The following KNCN variants were observed in gnomAD, a reference collection of about 807,000 sequenced individuals.
KNCN encodes kinocilin.
In KNCN, 11 loss-of-function variants were observed where a neutral mutation model predicts 10.4. That is an observed-to-expected ratio of 1.06 (90% CI 0.67 to 1.75). KNCN has a LOEUF of 1.75. KNCN is among the 40% of genes most tolerant of loss of function. The probability of loss-of-function intolerance (pLI) is 0.00; values close to 1 mark genes in which losing one functional copy is unlikely to be tolerated. For synonymous variants in KNCN, 67 were observed against 71.6 expected, an observed-to-expected ratio of 0.94 and a Z score of 0.33; for missense variants, 172 against 167.1, an observed-to-expected ratio of 1.03 and a Z score of -0.16.
At position 46,547,806 on chromosome 1, in the gene KNCN, G is replaced by T. The variant is rs768924826; in HGVS notation, c.299C>A (p.Ala100Asp). The T allele has an allele frequency of 9.6e-6, 14 of 1,456,238 alleles. 1 individual carries two copies. The South Asian group carries it at 2.1e-4, about 21-fold the overall frequency. The allele number at this position is 1,456,238 out of a possible 1,614,324, so 90.2% of individuals were successfully genotyped here. Residue 100 changes from alanine to aspartate, a missense_variant, in exon 4 of 4, where the codon GCC becomes GAC. Transcript: ENST00000481882. ...RSSTNGNKEG[A>D]RSSLSTVSRT... is the part of the protein sequence containing the mutation. ...GCTCACGGTGGACAGGCTGCTGCGG[G>T]CTCCTGGGGGAGAGAACAGGGACGA...
intron 3 of KNCN, 142 bp downstream of exon 3, chr1:46,549,051 G>A: frequency 1.6e-6 from 1 of 612,002 alleles, no homozygotes; most frequent in Non-Finnish European, 2.8e-6. Flanking sequence ...TGAGGCAGGA[G>A]AATTGCTTGA....
At chr1:46,550,045 G>T in intron 1 of KNCN, 43 bp from the exon 2 acceptor site, 1 of 1,550,290 alleles carries the variant, frequency 6.5e-7, no homozygotes, top group East Asian at 2.4e-5. Context: ...GAGGAGCCTG[G>T]TGAGTGTTGA....
chr1:46,548,594 G>A (rs1666996013), intron 3 of KNCN, among the ~76,000 whole-genome samples: 1 of 152,152 alleles, frequency 6.6e-6, no homozygotes, highest in Non-Finnish European at 1.5e-5. Flanking sequence ...CTGAGGTATA[G>A]GACCTGGGGG....
In KNCN at chr1:46,547,812, G is replaced by C. The variant is rs779102921; in HGVS notation, c.296-3C>G. ...GGTGGACAGGCTGCTGCGGGCTCCT[G>C]GGGGAGAGAACAGGGACGAGGACTG... On this transcript the variant is annotated splice_polypyrimidine_tract_variant and splice_region_variant and intron_variant, in intron 3 of 3. Coordinates refer to ENST00000481882, the MANE Select transcript of KNCN (RefSeq NM_001322255.2). The C allele has an allele frequency of 1.6e-5, 23 of 1,455,136 alleles. No individual in the cohort carries two copies. Among genetic ancestry groups the C allele is most frequent in the Admixed American group, 2.8e-5 (1 of 35,382 alleles). 90.1% of individuals were successfully genotyped at this position (1,455,136 alleles called of 1,614,324 possible).
chr1:46,550,546 A>G lies in KNCN; in HGVS notation c.151+519T>C, dbSNP rs117031944. ...CTGGGCGGGGGCGGGGGGTGGGGTG[A>G]GGTGAGGTGAGGTGAGGGATGGCAT... On this transcript the variant is annotated intron_variant, in intron 1 of 3. Transcript: ENST00000481882. 0.022 allele frequency among the ~76,000 whole-genome samples: 3,192 copies of G among 142,536 alleles called. 230 individuals carry two copies. In the East Asian group the frequency reaches 0.27, roughly 12 times the overall value. The allele number at this position is 142,536 out of a possible 152,430, so 93.5% of individuals were successfully genotyped here.
At chr1:46,549,141 C>CAAAA (rs749743161) in intron 3 of KNCN, 52 bp downstream of exon 3, 4 of 798,012 alleles carry the variant, frequency 5.0e-6, no homozygotes, top group South Asian at 4.0e-5. Context: ...AACTCTGTCT[C>CAAAA]AAAAAAAAAA....
At position 46,547,595 on chromosome 1, in the gene KNCN, A is replaced by C. The variant is rs547022504; in HGVS notation, c.*135T>G. 2.7e-6 allele frequency: 2 copies of C among 749,944 alleles called. No individual in the cohort carries two copies. Among genetic ancestry groups the C allele is most frequent in the East Asian group, 5.3e-5 (2 of 37,420 alleles). 46.5% of individuals were successfully genotyped at this position (749,944 alleles called of 1,614,324 possible). On this transcript the variant is annotated 3_prime_UTR_variant, in exon 4 of 4. Transcript: ENST00000481882. The stretch of plus-strand genomic sequence containing the variant: ...GAGTGCAAAAGGCCCCATTCCAGAC[A>C]CTGTTCCCAGCCGCTCTGGGGTCTG...
At position 46,547,683 on chromosome 1, in the gene KNCN, C is replaced by T; in HGVS notation, c.*47G>A. 7.1e-7 allele frequency: 1 copy of T among 1,413,890 alleles called. No homozygotes were observed. Among genetic ancestry groups the T allele is most frequent in the African/African-American group, 1.4e-5 (1 of 70,522 alleles). The allele number at this position is 1,413,890 out of a possible 1,614,324, so 87.6% of individuals were successfully genotyped here. The stretch of plus-strand genomic sequence containing the variant: ...CAGGAGGGCACTGACATAGGGGCAG[C>T]AGGCAGGATGGGAGGGCAGGGCATG... On this transcript the variant is annotated 3_prime_UTR_variant, in exon 4 of 4. Transcript: ENST00000481882.
chr1:46,550,862 C>T (rs891267643), intron 1 of KNCN, among the ~76,000 whole-genome samples: 1 of 152,162 alleles, frequency 6.6e-6, no homozygotes. Context: ...TTCTTTTCTC[C>T]TCCCTGTGGC....
In KNCN at chr1:46,551,252, G is replaced by A. The variant is rs1667060856; in HGVS notation, c.-37C>T. The A allele has an allele frequency of 2.5e-6, 4 of 1,573,738 alleles. No individual in the cohort carries two copies. The highest frequency in any genetic ancestry group is 3.4e-6 in the Non-Finnish European group (4 of 1,166,032). ...CGGGGCACTGCCTCCAGCCGGTGCA[G>A]TCTGGCCCCAGAAAAGTCCTGGAAG... On this transcript the variant is annotated 5_prime_UTR_variant, in exon 1 of 4. Coordinates refer to ENST00000481882, the MANE Select transcript of KNCN (RefSeq NM_001322255.2). The surrounding 1 kb of genome is among the most constrained non-coding windows in gnomAD (Gnocchi z 4.0).
intron 1 of KNCN, among the ~76,000 whole-genome samples, chr1:46,550,532 C>CG (rs1557805894): frequency 1.6e-5 from 2 of 127,920 alleles, no homozygotes; most frequent in South Asian, 3.0e-4. Context: ...TGGGCGGGGG[C>CG]GGGGGGTGGG....
chr1:46,550,505 T>G (rs2148509639), intron 1 of KNCN, among the ~76,000 whole-genome samples: 2 of 141,902 alleles, frequency 1.4e-5, no homozygotes, highest in East Asian at 5.2e-4. Context: ...CTGATGCTTC[T>G]GGTCCTGCCT....
Position 46,546,656 on chromosome 1 carries a change from C to A in KNCN, c.*1074G>T, listed in dbSNP as rs1382426759. 1 of 152,272 alleles carries A rather than the reference C, an allele frequency of 6.6e-6. No individual in the cohort carries two copies. Among genetic ancestry groups the A allele is most frequent in the Admixed American group, 6.5e-5 (1 of 15,294 alleles). 9.4% of individuals were successfully genotyped at this position (152,272 alleles called of 1,614,324 possible). A position where few individuals can be genotyped will look rare whatever the true frequency, so the allele number is the denominator to read the frequency against. On this transcript the variant is annotated 3_prime_UTR_variant, in exon 4 of 4. Coordinates refer to ENST00000481882, the MANE Select transcript of KNCN (RefSeq NM_001322255.2). The stretch of plus-strand genomic sequence containing the variant: ...GGTAGATGGGACTTTGAAGTGGCTT[C>A]CCAGGGAAAGCCTAGGGAATTGTTT...
Position 46,547,517 on chromosome 1 carries a change from T to C in KNCN, c.*213A>G, listed in dbSNP as rs1260554785. The C allele has an allele frequency of 2.8e-6, 2 of 702,926 alleles. No homozygotes were observed. Among genetic ancestry groups the C allele is most frequent in the Non-Finnish European group, 5.2e-6 (2 of 383,542 alleles). 43.5% of individuals were successfully genotyped at this position (702,926 alleles called of 1,614,324 possible). Reference sequence around the variant, plus strand: ...GTGGGGGCGTCCGGCGACACCTTGCTCCAGGTCCCAGCCCACACCAGTGGA... The same window carrying C: ...GTGGGGGCGTCCGGCGACACCTTGCCCCAGGTCCCAGCCCACACCAGTGGA... On this transcript the variant is annotated 3_prime_UTR_variant, in exon 4 of 4. Transcript: ENST00000481882.
In KNCN at chr1:46,551,055, C is replaced by G; in HGVS notation, c.151+10G>C. The G allele has an allele frequency of 1.3e-6, 2 of 1,576,080 alleles. No individual in the cohort carries two copies. Among genetic ancestry groups the G allele is most frequent in the Non-Finnish European group, 1.7e-6 (2 of 1,160,080 alleles). On this transcript the variant is annotated intron_variant, in intron 1 of 3. Coordinates refer to ENST00000481882, the MANE Select transcript of KNCN (RefSeq NM_001322255.2). The surrounding 1 kb of genome is among the most constrained non-coding windows in gnomAD (Gnocchi z 4.0). The stretch of plus-strand genomic sequence containing the variant: ...TCTCCCTTCCCTATCCCAGCCCAGC[C>G]CCTGCTCACCCAGAACAGCAGCGCC...
Position 46,551,413 on chromosome 1 carries a change from C to A in KNCN, c.-198G>T, listed in dbSNP as rs537457881. On this transcript the variant is annotated 5_prime_UTR_variant, in exon 1 of 4. Transcript: ENST00000481882. The surrounding 1 kb of genome is among the most constrained non-coding windows in gnomAD (Gnocchi z 4.0). ...ACTGCTCCACTACGGGCCCCCCAGT[C>A]CCACCTTGACCAGGGATCTGTACGA... 1.3e-5 allele frequency: 7 copies of A among 547,370 alleles called. No individual in the cohort carries two copies. The East Asian group carries it at 2.4e-4, about 19-fold the overall frequency. The allele number at this position is 547,370 out of a possible 1,614,324, so 33.9% of individuals were successfully genotyped here.
Position 46,547,749 on chromosome 1 carries a change from CG to C in KNCN, c.355del (p.Arg119GlyfsTer113). On this transcript the variant is annotated frameshift_variant, in exon 4 of 4. Transcript: ENST00000481882. LOFTEE classifies it high-confidence loss of function. Reference sequence around the variant, plus strand: ...TTTGCCTCAGCATTCCTCAGCCCCCCGGGTCCCCGGCTTCAGCTTCTCCAGG... The same window carrying C: ...TTTGCCTCAGCATTCCTCAGCCCCCCGGTCCCCGGCTTCAGCTTCTCCAGG... Reference protein sequence around the residue: ...RTLEKLKPGTRGAEEC With the variant: ...RTLEKLKPGTXGAEEC The C allele has an allele frequency of 6.7e-7, 1 of 1,483,902 alleles. No individual in the cohort carries two copies. The highest frequency in any genetic ancestry group is 8.9e-7 in the Non-Finnish European group (1 of 1,117,602). 91.9% of individuals were successfully genotyped at this position (1,483,902 alleles called of 1,614,324 possible).
At chr1:46,548,210 G>T (rs886742425) in intron 3 of KNCN, among the ~76,000 whole-genome samples, 1 of 152,130 alleles carries the variant, frequency 6.6e-6, no homozygotes, top group Admixed American at 6.5e-5. Flanking sequence ...TTAAAAGAGC[G>T]AATAATAGAT....
rs75242930 is a variant in KNCN, at chr1:46,550,810, C to T, written c.151+255G>A. On this transcript the variant is annotated intron_variant, in intron 1 of 3. Coordinates refer to ENST00000481882, the MANE Select transcript of KNCN (RefSeq NM_001322255.2). ...GAGCCTAGAGCTTGGGGCTGGAGAGCCAGTGGGAGTAGCCAGAAAAGAGTG... is the reference window on the plus strand; with the variant it reads ...GAGCCTAGAGCTTGGGGCTGGAGAGTCAGTGGGAGTAGCCAGAAAAGAGTG... 0.022 allele frequency among the ~76,000 whole-genome samples: 3,350 copies of T among 152,244 alleles called. 249 individuals carry two copies. In the East Asian group the frequency reaches 0.27, roughly 12 times the overall value.
Sources: allele counts gnomAD v4.1 joint callset (sites outside exome capture counted in the v4.1 genomes callset), GRCh38; gene constraint gnomAD v4.1.1; non-coding constraint Gnocchi (gnomAD v3.1); transcripts MANE v1.5; gene names NCBI Gene and HGNC (gene_info 2026-07-23, HGNC 2026-07-21).